YWHAH: variants seen among roughly 807,000 people sequenced by gnomAD.
YWHAH encodes the protein 14-3-3 protein eta.
In YWHAH, 6 loss-of-function variants were observed where a neutral mutation model predicts 22.9. The observed-to-expected ratio is 0.26, with a 90% CI of 0.14 to 0.52. YWHAH has a LOEUF of 0.52. YWHAH is among the 20% of genes least tolerant of loss of function. The pLI is 0.97. For missense variants in YWHAH, 173 were observed against 308.6 expected (o/e 0.56, Z 3.29); for synonymous variants, 135 against 124.5 (o/e 1.08, Z -0.56).
Position 31,944,771 on chromosome 22 carries a change from T to C in YWHAH, c.38T>C (p.Leu13Pro). Residue 13 changes from leucine (L) to proline (P), a missense_variant, in exon 1 of 2, where the codon CTG becomes CCG. By Grantham distance (98) the Leu-to-Pro change is moderately conservative. Coordinates refer to ENST00000248975, the MANE Select transcript of YWHAH (RefSeq NM_003405.4). Reference sequence around the variant, plus strand: ...GAGCAGCTGCTGCAGCGGGCGCGGCTGGCCGAGCAGGCGGAGCGCTACGAC... The same window carrying C: ...GAGCAGCTGCTGCAGCGGGCGCGGCCGGCCGAGCAGGCGGAGCGCTACGAC... ...DREQLLQRAR[L>P]AEQAERYDDM... 1 of 1,423,030 alleles carries C rather than the reference T, an allele frequency of 7.0e-7. No individual in the cohort carries two copies. The highest frequency in any genetic ancestry group is 1.3e-5 in the South Asian group (1 of 75,670). The allele number at this position is 1,423,030 out of a possible 1,614,324, so 88.2% of individuals were successfully genotyped here.
rs771880344 is a variant in YWHAH, at chr22:31,956,634, C to G, written c.583C>G (p.Leu195Val). ...CCAGAATGCACCTGAGCAAGCCTGC[C>G]TCTTAGCCAAACAAGCCTTCGATGA... ...EIQNAPEQAC[L>V]LAKQAFDDAI... The change falls in exon 2 of 2, where the codon CTC (leucine) becomes GTC (valine). Residue 195 changes from leucine (L) to valine (V), a missense_variant. Leu to Val is a conservative substitution (Grantham distance 32, BLOSUM62 1). Coordinates refer to ENST00000248975, the MANE Select transcript of YWHAH (RefSeq NM_003405.4). The surrounding 1 kb of genome is among the most constrained non-coding windows in gnomAD (Gnocchi z 5.1). 2 of 1,614,166 alleles carry G rather than the reference C, an allele frequency of 1.2e-6. No homozygotes were observed.
chr22:31,952,167 G>A (rs1345942427), intron 1 of YWHAH, among the ~76,000 whole-genome samples: 1 of 152,228 alleles, frequency 6.6e-6, no homozygotes, highest in African/African-American at 2.4e-5. Context: ...CTGATTTGTG[G>A]AGATGCAGCA....
intron 1 of YWHAH, among the ~76,000 whole-genome samples, chr22:31,948,186 A>G (rs557232621): frequency 6.6e-6 from 1 of 152,356 alleles, no homozygotes; most frequent in East Asian, 1.9e-4. Context: ...AGTGCAGGAA[A>G]CAAAACTACA....
At position 31,956,132 on chromosome 22, in the gene YWHAH, T is replaced by A; in HGVS notation, c.88-7T>A. ...CTTTCAATGTTTATCTTTTTGGGGT[T>A]TTGCAGGTGACAGAGCTGAATGAAC... On this transcript the variant is annotated splice_region_variant and splice_polypyrimidine_tract_variant and intron_variant, in intron 1 of 1. Coordinates refer to ENST00000248975, the MANE Select transcript of YWHAH (RefSeq NM_003405.4). This position sits in a 1 kb window ranked among gnomAD's most constrained non-coding sequence, Gnocchi z 5.1. 6.4e-7 allele frequency: 1 copy of A among 1,573,548 alleles called. No individual in the cohort carries two copies. The highest frequency in any genetic ancestry group is 8.6e-7 in the Non-Finnish European group (1 of 1,162,122).
chr22:31,952,438 T>C (rs1318143193), intron 1 of YWHAH, among the ~76,000 whole-genome samples: 1 of 152,228 alleles, frequency 6.6e-6, no homozygotes, highest in Non-Finnish European at 1.5e-5. Flanking sequence ...TTTTCCAGTC[T>C]GGGAAAAACT....
chr22:31,949,262 C>T (rs2093839588), intron 1 of YWHAH, among the ~76,000 whole-genome samples: 1 of 151,202 alleles, frequency 6.6e-6, no homozygotes. Context: ...GCCTCAGCCT[C>T]CCAAGTAGCT....
chr22:31,954,334 C>T (rs1271776560), intron 1 of YWHAH, among the ~76,000 whole-genome samples: 1 of 152,134 alleles, frequency 6.6e-6, no homozygotes, highest in Non-Finnish European at 1.5e-5. Flanking sequence ...AAGACCTTTA[C>T]CAGTAGGTCA....
At position 31,944,704 on chromosome 22, in the gene YWHAH, G is replaced by C. The variant is rs1187484410; in HGVS notation, c.-30G>C. 1 of 1,357,946 alleles carries C rather than the reference G, an allele frequency of 7.4e-7. No individual in the cohort carries two copies. Among genetic ancestry groups the C allele is most frequent in the Admixed American group, 2.6e-5 (1 of 37,930 alleles). 84.1% of individuals were successfully genotyped at this position (1,357,946 alleles called of 1,614,324 possible). On this transcript the variant is annotated 5_prime_UTR_variant, in exon 1 of 2. Coordinates refer to ENST00000248975, the MANE Select transcript of YWHAH (RefSeq NM_003405.4). ...GAGGGCTAGCGAGCCAGCGGTGTGA[G>C]GCGCGAGGCGAGGCCGAGCCGCGAG...
At chr22:31,955,259 G>A (rs2093848101) in intron 1 of YWHAH, among the ~76,000 whole-genome samples, 1 of 152,130 alleles carries the variant, frequency 6.6e-6, no homozygotes, top group South Asian at 2.1e-4. Flanking sequence ...CGAAGCTCTG[G>A]CCACTGGATC....
chr22:31,953,678 TCA>T (rs1448502213), intron 1 of YWHAH, among the ~76,000 whole-genome samples: 1 of 152,168 alleles, frequency 6.6e-6, no homozygotes, highest in East Asian at 1.9e-4. Context: ...CTGGGGCAGA[TCA>T]CAGTGAGAGG....
In YWHAH at chr22:31,951,200, A is replaced by G. The variant is rs574285485; in HGVS notation, c.88-4939A>G. On this transcript the variant is annotated intron_variant, in intron 1 of 1. Transcript: ENST00000248975. ...TGAGCCATCACACCTGGCCCCTCAA[A>G]CCCTCAAACTGACTTTTCTCACACA... Among the ~76,000 whole-genome samples the G allele has an allele frequency of 2.0e-5, 3 of 152,050 alleles. No individual in the cohort carries two copies. In the East Asian group the frequency reaches 5.8e-4, roughly 29 times the overall value.
At chr22:31,953,357 A>G (rs761653525) in intron 1 of YWHAH, among the ~76,000 whole-genome samples, 1 of 152,194 alleles carries the variant, frequency 6.6e-6, no homozygotes, top group Non-Finnish European at 1.5e-5. Context: ...TTTGGGATGG[A>G]ATTTTGATTC....
At chr22:31,945,603 C>A (rs975486651) in intron 1 of YWHAH, 1 of 1,302,506 alleles carries the variant, frequency 7.7e-7, no homozygotes, top group South Asian at 1.2e-5. Flanking sequence ...AGCAAAATAC[C>A]GTGGGTCACA....
chr22:31,956,669 T>C lies in YWHAH; in HGVS notation c.618T>C (p.Ala206=). Residue 206 remains alanine, a synonymous_variant, in exon 2 of 2, where the codon GCT becomes GCC. Transcript: ENST00000248975. The surrounding 1 kb of genome is among the most constrained non-coding windows in gnomAD (Gnocchi z 5.1). ...AACAAGCCTTCGATGATGCCATAGC[T>C]GAGCTGGACACACTAAACGAGGATT... ...LAKQAFDDAI[A]ELDTLNEDSY... 2 of 1,614,154 alleles carry C rather than the reference T, an allele frequency of 1.2e-6. No homozygotes were observed. The highest frequency in any genetic ancestry group is 1.1e-5 in the South Asian group (1 of 91,084).
intron 1 of YWHAH, among the ~76,000 whole-genome samples, chr22:31,955,050 C>T (rs966728890): frequency 5.3e-5 from 8 of 152,232 alleles, no homozygotes; most frequent in Admixed American, 4.6e-4. Context: ...AACTCTTCCA[C>T]TTAAAATAAT....
chr22:31,953,619 G>GGT (rs1466143830), intron 1 of YWHAH, among the ~76,000 whole-genome samples: 1 of 152,192 alleles, frequency 6.6e-6, no homozygotes, highest in Admixed American at 6.5e-5. Flanking sequence ...TGGGGTTATA[G>GGT]GTGTTCAGCT....
In YWHAH at chr22:31,956,201, G is replaced by A. The variant is rs1352748985; in HGVS notation, c.150G>A (p.Lys50=). 6.2e-7 allele frequency: 1 copy of A among 1,614,162 alleles called. No individual in the cohort carries two copies. Among genetic ancestry groups the A allele is most frequent in the Non-Finnish European group, 8.5e-7 (1 of 1,180,028 alleles). Residue 50 remains lysine (K), a synonymous_variant, in exon 2 of 2, where the codon AAG becomes AAA. Transcript: ENST00000248975. This position sits in a 1 kb window ranked among gnomAD's most constrained non-coding sequence, Gnocchi z 5.1. ...GAAATCTCCTCTCTGTGGCCTACAA[G>A]AATGTGGTTGGTGCCAGGCGATCTT... ...EDRNLLSVAY[K]NVVGARRSSW... is the part of the protein sequence containing the mutation.
intron 1 of YWHAH, among the ~76,000 whole-genome samples, chr22:31,948,826 A>G (rs1350107600): frequency 6.6e-6 from 1 of 152,248 alleles, no homozygotes; most frequent in African/African-American, 2.4e-5. Context: ...TGAATTTAAA[A>G]GGTCCTTTCA....
In YWHAH at chr22:31,944,740, G is replaced by A; in HGVS notation, c.7G>A (p.Asp3Asn). Residue 3 changes from aspartate to asparagine, a missense_variant, in exon 1 of 2, where the codon GAC (aspartate) becomes AAC (asparagine). By Grantham distance (23) the Asp-to-Asn change is conservative. Coordinates refer to ENST00000248975, the MANE Select transcript of YWHAH (RefSeq NM_003405.4). ...AGGCCGAGCCGCGAGCGACATGGGG[G>A]ACCGGGAGCAGCTGCTGCAGCGGGC... MG[D>N]REQLLQRARL... 1 of 1,412,580 alleles carries A rather than the reference G, an allele frequency of 7.1e-7. No homozygotes were observed. 87.5% of individuals were successfully genotyped at this position (1,412,580 alleles called of 1,614,324 possible).
Sources: allele counts gnomAD v4.1 joint callset (sites outside exome capture counted in the v4.1 genomes callset), GRCh38; gene constraint gnomAD v4.1.1; non-coding constraint Gnocchi (gnomAD v3.1); transcripts MANE v1.5; gene names NCBI Gene and HGNC (gene_info 2026-07-23, HGNC 2026-07-21).